The following EAF2 variants were observed in gnomAD, a reference collection of about 807,000 sequenced individuals.
EAF2 encodes ELL associated factor 2.
A neutral mutation model predicts 29.4 loss-of-function variants in EAF2; 29 were observed. The observed-to-expected ratio is 0.99, with a 90% CI of 0.73 to 1.35. The LOEUF (loss-of-function observed/expected upper bound fraction) is 1.35, where lower values mean the gene tolerates loss of function less well. Ranked by LOEUF, EAF2 falls within the 40% of genes most tolerant of loss-of-function variation. The pLI, the probability that EAF2 is intolerant of heterozygous loss-of-function variation, is 0.00. For synonymous variants in EAF2, 103 were observed against 102.5 expected (o/e 1.00, Z -0.03); for missense variants, 292 against 312.0 (o/e 0.94, Z 0.48).
At chr3:121,858,163 A>C (rs954397509) in intron 4 of EAF2, among the ~76,000 whole-genome samples, 1 of 152,240 alleles carries the variant, frequency 6.6e-6, no homozygotes. Context: ...AGCATGATTT[A>C]TAATCCTTCG....
At chr3:121,845,325 C>T (rs1223906310) in intron 2 of EAF2, among the ~76,000 whole-genome samples, 4 of 148,778 alleles carry the variant, frequency 2.7e-5, no homozygotes, top group Non-Finnish European at 5.9e-5. Context: ...GTAGTCCCAG[C>T]TATTTGGGAG....
rs530067970 is a variant in EAF2 at position 121,876,037 on chromosome 3, C to T, written c.736+3249C>T. 2.0e-5 allele frequency among the ~76,000 whole-genome samples: 3 copies of T among 151,948 alleles called. No homozygotes were observed. In the South Asian group the frequency reaches 6.2e-4, roughly 32 times the overall value. ...TAAAAACTTAATCCTGAGAATTTTC[C>T]AGAATTGAAGAAACCCATGAATTTT... On this transcript the variant is annotated intron_variant, in intron 5 of 5. Transcript: ENST00000273668.
intron 4 of EAF2, among the ~76,000 whole-genome samples, chr3:121,861,805 G>C (rs1258823182): frequency 6.6e-6 from 1 of 152,122 alleles, no homozygotes; most frequent in East Asian, 1.9e-4. Flanking sequence ...GTAGTGGCTG[G>C]TACCGGCTGT....
chr3:121,844,319 G>A (rs2107501182), intron 1 of EAF2, 134 bp from the exon 2 acceptor site: 2 of 554,672 alleles, frequency 3.6e-6, no homozygotes, highest in Non-Finnish European at 6.3e-6. Flanking sequence ...TTGTTCATTT[G>A]TAATATGAAT....
At chr3:121,840,347 GGCCTGTGGTGGCGCGT>G (rs1360568133) in intron 1 of EAF2, among the ~76,000 whole-genome samples, 1 of 149,780 alleles carries the variant, frequency 6.7e-6, no homozygotes, top group Non-Finnish European at 1.5e-5. Context: ...AAAAATTAGC[GGCCTGTGGTGGCGCGT>G]GCCTGTAATC....
intron 4 of EAF2, among the ~76,000 whole-genome samples, chr3:121,867,611 C>T (rs934372708): frequency 1.3e-5 from 2 of 152,048 alleles, no homozygotes; most frequent in African/African-American, 4.8e-5. Flanking sequence ...AGAATTTGTT[C>T]CTAGGAAACT....
At chr3:121,857,279 G>A in intron 4 of EAF2, 123 bp downstream of exon 4, 1 of 747,268 alleles carries the variant, frequency 1.3e-6, no homozygotes, top group Non-Finnish European at 2.1e-6. Context: ...GGATCATGAG[G>A]TCAGTAGTTC....
chr3:121,874,468 T>A (rs7619918), intron 5 of EAF2, among the ~76,000 whole-genome samples: 129,840 of 151,692 alleles, frequency 0.86, 55,927 homozygotes, highest in East Asian at 0.92. Context: ...AATTTTCCAG[T>A]AATTAATAAG....
chr3:121,854,890 T>A, intron 3 of EAF2, 67 bp downstream of exon 3: 1 of 1,357,992 alleles, frequency 7.4e-7, no homozygotes, highest in Non-Finnish European at 9.8e-7. Flanking sequence ...AATAAAAAAT[T>A]TATTAAGTCA....
intron 5 of EAF2, among the ~76,000 whole-genome samples, chr3:121,880,931 A>C (rs972706064): frequency 2.0e-5 from 3 of 152,202 alleles, no homozygotes; most frequent in Admixed American, 1.3e-4. Context: ...GTTTTTTATC[A>C]TAAAGCGATG....
At chr3:121,840,447 C>A (rs1230618364) in intron 1 of EAF2, among the ~76,000 whole-genome samples, 1 of 137,416 alleles carries the variant, frequency 7.3e-6, no homozygotes, top group African/African-American at 2.8e-5. Flanking sequence ...GCCAAGATCG[C>A]GCCACTGCAC....
chr3:121,874,276 G>GAGAATTGGTAAACT (rs1172651542), intron 5 of EAF2, among the ~76,000 whole-genome samples: 1 of 151,850 alleles, frequency 6.6e-6, no homozygotes, highest in African/African-American at 2.4e-5. Flanking sequence ...CTGAGAGGCA[G>GAGAATTGGTAAACT]AGAATTGGTA....
chr3:121,835,234 G>A lies in EAF2; in HGVS notation c.-52G>A. On this transcript the variant is annotated 5_prime_UTR_variant, in exon 1 of 6. Transcript: ENST00000273668. ...AAGTGCAGCTGCTTCAGGCTGAGGT[G>A]GCAGATAGTGAGCGCTGGTGGCGGA... 2 of 1,554,286 alleles carry A rather than the reference G, an allele frequency of 1.3e-6. No individual in the cohort carries two copies. Among genetic ancestry groups the A allele is most frequent in the Non-Finnish European group, 1.8e-6 (2 of 1,125,766 alleles).
Position 121,881,430 on chromosome 3 carries a change from A to T in EAF2, c.737-4912A>T, listed in dbSNP as rs556104917. Among the ~76,000 whole-genome samples, 5 of 152,014 alleles carry T rather than the reference A, an allele frequency of 3.3e-5. No individual in the cohort carries two copies. The South Asian group carries it at 1.0e-3, about 32-fold the overall frequency. The stretch of plus-strand genomic sequence containing the variant: ...ATGTTTTCTATTTTTTCTTGGTTCA[A>T]TCTTGGTAGGTGGTATATGTCCACA... On this transcript the variant is annotated intron_variant, in intron 5 of 5. Coordinates refer to ENST00000273668, the MANE Select transcript of EAF2 (RefSeq NM_018456.6).
intron 1 of EAF2, 105 bp downstream of exon 1, chr3:121,835,496 G>T: frequency 9.8e-7 from 1 of 1,019,584 alleles, no homozygotes. Flanking sequence ...TACACTGTTG[G>T]AGACTACGGG....
At chr3:121,880,451 T>C (rs997352619) in intron 5 of EAF2, among the ~76,000 whole-genome samples, 1 of 117,616 alleles carries the variant, frequency 8.5e-6, no homozygotes, top group East Asian at 2.4e-4. Flanking sequence ...CCTTAGTGTT[T>C]TGGGGTGTGT....
intron 2 of EAF2, among the ~76,000 whole-genome samples, chr3:121,851,077 T>C (rs1708624503): frequency 6.6e-6 from 1 of 152,216 alleles, no homozygotes; most frequent in Non-Finnish European, 1.5e-5. Flanking sequence ...TATTTATATT[T>C]ATATTTTCTC....
intron 5 of EAF2, among the ~76,000 whole-genome samples, chr3:121,880,136 GTTGTT>G (rs932654746): frequency 6.6e-6 from 1 of 151,604 alleles, no homozygotes; most frequent in African/African-American, 2.4e-5. Context: ...TGCTGTTGTT[GTTGTT>G]TTGTTTTGTT....
At chr3:121,863,307 T>G (rs1317375157) in intron 4 of EAF2, among the ~76,000 whole-genome samples, 1 of 152,196 alleles carries the variant, frequency 6.6e-6, no homozygotes, top group Non-Finnish European at 1.5e-5. Context: ...AGTCTACAGA[T>G]GCAGGCAGGC....
Sources: allele counts gnomAD v4.1 joint callset (sites outside exome capture counted in the v4.1 genomes callset), GRCh38; gene constraint gnomAD v4.1.1; transcripts MANE v1.5; gene names NCBI Gene and HGNC (gene_info 2026-07-23, HGNC 2026-07-21).